Variants in LMF1 observed in about 807,000 individuals in gnomAD.
The protein encoded by LMF1 is lipase maturation factor 1, also known as transmembrane protein 112.
Under a neutral mutation model 60.6 loss-of-function variants are expected in LMF1, and 68 were observed. The ratio of observed to expected loss-of-function variants is 1.12; its 90% CI spans 0.92 to 1.37. The LOEUF (loss-of-function observed/expected upper bound fraction) is 1.37. Ranked by LOEUF, LMF1 falls within the 40% of genes most tolerant of loss-of-function variation. The probability of loss-of-function intolerance (pLI) is 0.00; values close to 1 mark genes in which losing one functional copy is unlikely to be tolerated. For missense variants in LMF1, 948 were observed against 767.2 expected, an observed-to-expected ratio of 1.24 and a Z score of -2.78; for synonymous variants, 418 against 324.7, an observed-to-expected ratio of 1.29 and a Z score of -3.09.
intron 3 of LMF1, among the ~76,000 whole-genome samples, chr16:924,032 A>G (rs2071520705): frequency 6.6e-6 from 1 of 152,242 alleles, no homozygotes; most frequent in Non-Finnish European, 1.5e-5. Flanking sequence ...AGTTATTAGA[A>G]AAAAAGTTAC....
intron 3 of LMF1, among the ~76,000 whole-genome samples, chr16:924,778 G>A (rs924190459): frequency 1.3e-5 from 2 of 152,212 alleles, no homozygotes; most frequent in Non-Finnish European, 2.9e-5. Flanking sequence ...ACTACAAGAG[G>A]CAAAAACGAA....
At chr16:862,566 A>C (rs1457216911) in intron 10 of LMF1, among the ~76,000 whole-genome samples, 1 of 152,092 alleles carries the variant, frequency 6.6e-6, no homozygotes, top group East Asian at 1.9e-4. Flanking sequence ...AGCTTCATAA[A>C]ATAAATTGAG....
At chr16:883,893 A>G (rs2070233786) in intron 5 of LMF1, 1 of 152,168 alleles carries the variant, frequency 6.6e-6, no homozygotes, top group African/African-American at 2.4e-5. Flanking sequence ...TGTTAATTAG[A>G]TCATGTTGGT....
At chr16:871,523 T>C (rs1461774069) in intron 6 of LMF1, 182 bp from the exon 7 acceptor site, 4 of 628,600 alleles carry the variant, frequency 6.4e-6, no homozygotes, top group Non-Finnish European at 1.1e-5. Context: ...GGACAGCAGA[T>C]GCCTCAGAGG....
In LMF1 at chr16:854,593, C is replaced by G. The variant is rs1567126910; in HGVS notation, c.1643G>C (p.Ser548Thr). The change falls in exon 11 of 11, where the codon AGC (serine) becomes ACC (threonine). Residue 548 changes from serine (S) to threonine (T), a missense_variant. By Grantham distance (58) the Ser-to-Thr change is moderately conservative. Coordinates refer to ENST00000262301, the MANE Select transcript of LMF1 (RefSeq NM_022773.4). Reference protein sequence around the residue: ...KRIGAYFPPLSLEELRPYFRD... With the variant: ...KRIGAYFPPLTLEELRPYFRD... ...GAAGTAGGGCCTCAGCTCCTCCAGGCTGAGCGGAGGGAAGTAGGCTCCGAT... is the reference window on the plus strand; with the variant it reads ...GAAGTAGGGCCTCAGCTCCTCCAGGGTGAGCGGAGGGAAGTAGGCTCCGAT... 6.2e-7 allele frequency: 1 copy of G among 1,607,212 alleles called. No homozygotes were observed. Among genetic ancestry groups the G allele is most frequent in the Non-Finnish European group, 8.5e-7 (1 of 1,178,316 alleles).
At chr16:909,710 G>C (rs2071058891) in intron 4 of LMF1, among the ~76,000 whole-genome samples, 1 of 152,236 alleles carries the variant, frequency 6.6e-6, no homozygotes, top group Non-Finnish European at 1.5e-5. Context: ...GGTGTCCCAA[G>C]TGTCCGCAGC....
intron 5 of LMF1, among the ~76,000 whole-genome samples, chr16:889,312 G>GGCAA (rs2070406837): frequency 1.3e-5 from 2 of 152,020 alleles, no homozygotes; most frequent in Non-Finnish European, 2.9e-5. Context: ...ACTGCCTTTC[G>GGCAA]TTACCAGCAG....
chr16:937,082 G>A (rs145852807), intron 2 of LMF1, among the ~76,000 whole-genome samples: 81 of 152,304 alleles, frequency 5.3e-4, no homozygotes, highest in African/African-American at 1.9e-3. Flanking sequence ...GAGTCCAGAC[G>A]CAGCTGCCTT....
upstream of LMF1, among the ~76,000 whole-genome samples, chr16:974,472 T>C (rs567066427): frequency 4.6e-5 from 7 of 152,072 alleles, no homozygotes; most frequent in Non-Finnish European, 1.0e-4. Flanking sequence ...GAGATGAGGC[T>C]CGGCCACCCC....
intron 3 of LMF1, among the ~76,000 whole-genome samples, chr16:913,527 G>A (rs1422887063): frequency 6.6e-6 from 1 of 152,256 alleles, no homozygotes; most frequent in African/African-American, 2.4e-5. Flanking sequence ...CCCGATGCTG[G>A]TGCGGAGGAA....
intron 4 of LMF1, 118 bp downstream of exon 4, chr16:910,813 G>T: frequency 2.3e-6 from 3 of 1,327,238 alleles, no homozygotes; most frequent in Non-Finnish European, 3.1e-6. Flanking sequence ...AGGCCAGGCC[G>T]ACAGGAGGAC....
chr16:910,821 GACA>G, intron 4 of LMF1, 107 bp downstream of exon 4: 81 of 1,401,780 alleles, frequency 5.8e-5, no homozygotes, highest in Non-Finnish European at 7.9e-5. Context: ...CCGACAGGAG[GACA>G]GAGGGCGGCG....
rs1290844405 is a variant in LMF1, at chr16:897,143, T to C, written c.664-4071A>G. ...GACGATGTTCCCGCCTTGCAACGTGTGGCTGCAGCAGCTCTTCTCCTGATG... is the reference window on the plus strand; with the variant it reads ...GACGATGTTCCCGCCTTGCAACGTGCGGCTGCAGCAGCTCTTCTCCTGATG... On this transcript the variant is annotated intron_variant, in intron 4 of 10. Coordinates refer to ENST00000262301, the MANE Select transcript of LMF1 (RefSeq NM_022773.4). The surrounding 1 kb of genome is among the most constrained non-coding windows in gnomAD (Gnocchi z 4.3). Among the ~76,000 whole-genome samples the C allele has an allele frequency of 1.3e-5, 2 of 152,230 alleles. No individual in the cohort carries two copies. The highest frequency in any genetic ancestry group is 4.8e-5 in the African/African-American group (2 of 41,456).
chr16:927,636 G>A (rs4436780), intron 3 of LMF1, among the ~76,000 whole-genome samples: 18,427 of 152,262 alleles, frequency 0.12, 1,268 homozygotes, highest in Non-Finnish European at 0.16. Flanking sequence ...ACAGGAGGGC[G>A]GGGACTGGGG....
chr16:925,942 G>A (rs1170462096), intron 3 of LMF1, among the ~76,000 whole-genome samples: 15 of 152,170 alleles, frequency 9.9e-5, no homozygotes, highest in African/African-American at 3.4e-4. Context: ...ATCTGCATAT[G>A]TGTCTGTGTG....
chr16:907,384 A>G (rs561190106), intron 4 of LMF1, among the ~76,000 whole-genome samples: 4 of 152,072 alleles, frequency 2.6e-5, no homozygotes, highest in African/African-American at 9.6e-5. Flanking sequence ...CTGGGTGACA[A>G]GGCGAGACTC....
At chr16:859,145 C>T (rs1432279623) in intron 10 of LMF1, among the ~76,000 whole-genome samples, 4 of 112,688 alleles carry the variant, frequency 3.5e-5, no homozygotes, top group East Asian at 5.0e-4. Context: ...TGTCACGGGA[C>T]GGGTGTGCAG....
chr16:888,404 T>C (rs776402937), intron 5 of LMF1, among the ~76,000 whole-genome samples: 2 of 152,212 alleles, frequency 1.3e-5, no homozygotes, highest in African/African-American at 4.8e-5. Context: ...TCAGGGTCCC[T>C]GTACTCCAGA....
intron 2 of LMF1, among the ~76,000 whole-genome samples, chr16:953,196 T>TGC (rs2072538571): frequency 1.1e-5 from 1 of 89,660 alleles, no homozygotes; most frequent in Non-Finnish European, 2.3e-5. Context: ...ACCAGCCTCC[T>TGC]ACATGTCCAC....
Sources: gnomAD v4.1 joint callset for allele counts (sites outside exome capture counted in the v4.1 genomes callset) on GRCh38, gnomAD v4.1.1 for gene constraint, Gnocchi (gnomAD v3.1) non-coding constraint, MANE v1.5 for transcripts, NCBI Gene and HGNC (gene_info 2026-07-23, HGNC 2026-07-21) for gene names.